The following CAPN7 variants were observed in gnomAD, a reference collection of about 807,000 sequenced individuals.
CAPN7 encodes calpain 7, also known as calpain-7.
A neutral mutation model predicts 115.2 loss-of-function variants in CAPN7; 72 were observed. The ratio of observed to expected loss-of-function variants is 0.63; its 90% CI spans 0.52 to 0.76. The LOEUF (loss-of-function observed/expected upper bound fraction) is 0.76. CAPN7 is among the 30% of genes least tolerant of loss of function. CAPN7 has a pLI of 0.00. For synonymous variants in CAPN7, 344 were observed against 322.3 expected (o/e 1.07, Z -0.72); for missense variants, 905 against 971.5 (o/e 0.93, Z 0.91).
At chr3:15,211,374 T>C (rs537122377) in intron 1 of CAPN7, among the ~76,000 whole-genome samples, 1 of 152,296 alleles carries the variant, frequency 6.6e-6, no homozygotes, top group Admixed American at 6.5e-5. Context: ...AAACGAAACA[T>C]GTAAACTGCA....
At chr3:15,229,572 T>C (rs992212281) in intron 8 of CAPN7, among the ~76,000 whole-genome samples, 4 of 136,284 alleles carry the variant, frequency 2.9e-5, no homozygotes, top group Admixed American at 7.2e-5. Context: ...TTTTTTTTTT[T>C]TTTTTTTTTT....
Position 15,206,418 on chromosome 3 carries a change from C to T in CAPN7, c.-78C>T, listed in dbSNP as rs1378918527. The T allele has an allele frequency of 1.8e-6, 2 of 1,136,258 alleles. No individual in the cohort carries two copies. The highest frequency in any genetic ancestry group is 2.5e-6 in the Non-Finnish European group (2 of 793,680). The allele number at this position is 1,136,258 out of a possible 1,614,324, so 70.4% of individuals were successfully genotyped here. On this transcript the variant is annotated 5_prime_UTR_variant, in exon 1 of 21. Coordinates refer to ENST00000253693, the MANE Select transcript of CAPN7 (RefSeq NM_014296.3). The stretch of plus-strand genomic sequence containing the variant: ...CGCGGCGCTCCCGAGTCCTCGCCGC[C>T]GCCGGGCCGCCGCAGTCCGCGAAGA...
intron 19 of CAPN7, among the ~76,000 whole-genome samples, chr3:15,249,019 AAAAAAC>A (rs1033886041): frequency 2.7e-5 from 4 of 148,324 alleles, no homozygotes; most frequent in South Asian, 2.1e-4. Context: ...AAAAAAAAAA[AAAAAAC>A]AAAAACAGAA....
chr3:15,207,196 G>A (rs2044677294), intron 1 of CAPN7, among the ~76,000 whole-genome samples: 1 of 152,170 alleles, frequency 6.6e-6, no homozygotes. Context: ...ACAGGCCTGC[G>A]CAGCGTGTTG....
intron 4 of CAPN7, 32 bp from the exon 5 acceptor site, chr3:15,220,740 GTAGAAAAAC>G (rs777186728): frequency 8.2e-6 from 13 of 1,582,360 alleles, no homozygotes; most frequent in African/African-American, 1.3e-5. Context: ...TTAAATGTGA[GTAGAAAAAC>G]TAGAACAGTT....
intron 7 of CAPN7, among the ~76,000 whole-genome samples, chr3:15,228,440 A>C (rs1192979150): frequency 6.6e-6 from 1 of 152,238 alleles, no homozygotes; most frequent in Non-Finnish European, 1.5e-5. Context: ...CACTATTCAA[A>C]ATAACAAAGA....
rs1694418811 is a variant in CAPN7 at position 15,227,830 on chromosome 3, T to C, written c.726-9T>C. ...AATTTTTTTATTTTAATTTTTATTATTACCTCAGTGATAGATGGGGCAAGC... is the reference window on the plus strand; with the variant it reads ...AATTTTTTTATTTTAATTTTTATTACTACCTCAGTGATAGATGGGGCAAGC... On this transcript the variant is annotated splice_polypyrimidine_tract_variant and intron_variant, in intron 6 of 20. Transcript: ENST00000253693. The C allele has an allele frequency of 3.5e-6, 5 of 1,438,108 alleles. No homozygotes were observed. In the East Asian group the frequency reaches 7.7e-5, roughly 22 times the overall value. 89.1% of individuals were successfully genotyped at this position (1,438,108 alleles called of 1,614,324 possible). A position where few individuals can be genotyped will look rare whatever the true frequency, so the allele number is the denominator to read the frequency against.
At chr3:15,211,976 C>A in intron 1 of CAPN7, 128 bp from the exon 2 acceptor site, 1 of 477,098 alleles carries the variant, frequency 2.1e-6, no homozygotes, top group Non-Finnish European at 3.7e-6. Flanking sequence ...AAAAAAATTA[C>A]TATTAATAAT....
chr3:15,231,302 G>C (rs2124957345), intron 9 of CAPN7, among the ~76,000 whole-genome samples: 1 of 152,294 alleles, frequency 6.6e-6, no homozygotes, highest in Non-Finnish European at 1.5e-5. Context: ...GGTCTGAGAT[G>C]AGATCAAAAT....
chr3:15,237,778 T>A (rs1446095798), intron 12 of CAPN7, among the ~76,000 whole-genome samples: 1 of 152,022 alleles, frequency 6.6e-6, no homozygotes, highest in Non-Finnish European at 1.5e-5. Context: ...AAGACCAGCC[T>A]GAGCAACATA....
At chr3:15,237,944 A>C (rs1695090251) in intron 12 of CAPN7, among the ~76,000 whole-genome samples, 1 of 152,000 alleles carries the variant, frequency 6.6e-6, no homozygotes, top group Non-Finnish European at 1.5e-5. Flanking sequence ...ACTCCAGCCT[A>C]GTTGACACAG....
At chr3:15,218,413 G>T in intron 3 of CAPN7, 60 bp from the exon 4 acceptor site, 3 of 1,313,120 alleles carry the variant, frequency 2.3e-6, no homozygotes, top group Admixed American at 1.8e-5. Context: ...TAGAAATATG[G>T]ATCAAGCAAA....
intron 2 of CAPN7, among the ~76,000 whole-genome samples, chr3:15,215,924 A>G (rs569709402): frequency 6.6e-6 from 1 of 152,312 alleles, no homozygotes; most frequent in Admixed American, 6.5e-5. Context: ...CGTCTCTACT[A>G]AAAATACAAA....
intron 1 of CAPN7, among the ~76,000 whole-genome samples, chr3:15,209,032 C>T (rs1222195438): frequency 2.6e-5 from 4 of 151,230 alleles, no homozygotes; most frequent in South Asian, 2.1e-4. Context: ...TTTTTTGAGA[C>T]GGAGTTTTGT....
chr3:15,242,385 A>T, intron 16 of CAPN7, 132 bp downstream of exon 16: 1 of 586,094 alleles, frequency 1.7e-6, no homozygotes, highest in Non-Finnish European at 2.9e-6. Context: ...AATAGAAACC[A>T]CTCAAGCAGA....
At chr3:15,233,344 C>T (rs1440288883) in intron 10 of CAPN7, among the ~76,000 whole-genome samples, 1 of 152,158 alleles carries the variant, frequency 6.6e-6, no homozygotes, top group East Asian at 1.9e-4. Context: ...CAGTTTTATG[C>T]CCAGTTCTAA....
At chr3:15,221,952 T>G (rs1232079802) in intron 5 of CAPN7, among the ~76,000 whole-genome samples, 2 of 149,312 alleles carry the variant, frequency 1.3e-5, no homozygotes, top group Non-Finnish European at 3.0e-5. Flanking sequence ...AGATCCCGTC[T>G]CAAAAAAAAA....
chr3:15,227,053 C>T (rs867050929), intron 6 of CAPN7, among the ~76,000 whole-genome samples: 35 of 148,768 alleles, frequency 2.4e-4, no homozygotes, highest in Middle Eastern at 6.8e-3. Context: ...GCTGGAGGAT[C>T]GTTTAAGCAC....
intron 2 of CAPN7, among the ~76,000 whole-genome samples, chr3:15,215,208 T>C (rs1216230807): frequency 6.6e-6 from 1 of 152,018 alleles, no homozygotes; most frequent in Non-Finnish European, 1.5e-5. Context: ...AAGGGTCACT[T>C]GAGCCCAGTA....
Sources: gnomAD v4.1 joint callset for allele counts (sites outside exome capture counted in the v4.1 genomes callset) on GRCh38, gnomAD v4.1.1 for gene constraint, MANE v1.5 for transcripts, NCBI Gene and HGNC (gene_info 2026-07-23, HGNC 2026-07-21) for gene names.